Variants in PCMT1 observed in about 807,000 individuals in gnomAD.
PCMT1 encodes protein-L-isoaspartate(D-aspartate) O-methyltransferase.
PCMT1 carries 9 observed loss-of-function variants against 29.2 expected under a neutral mutation model. The observed-to-expected ratio is 0.31, with a 90% confidence interval of 0.19 to 0.54. PCMT1 has a LOEUF of 0.54. Ranked by LOEUF, PCMT1 falls within the 20% of genes least tolerant of loss-of-function variation. The pLI is 0.95. For synonymous variants in PCMT1, 98 were observed against 97.5 expected (o/e 1.00, Z -0.03); for missense variants, 184 against 282.2 (o/e 0.65, Z 2.49).
chr6:149,786,760 G>A (rs1372516968), intron 3 of PCMT1, among the ~76,000 whole-genome samples: 2 of 150,766 alleles, frequency 1.3e-5, no homozygotes, highest in Non-Finnish European at 2.9e-5. Flanking sequence ...GACGATGGGC[G>A]GCTGAGCAGA....
At chr6:149,806,506 A>T (rs926979259) in intron 7 of PCMT1, among the ~76,000 whole-genome samples, 2 of 152,188 alleles carry the variant, frequency 1.3e-5, no homozygotes, top group African/African-American at 4.8e-5. Flanking sequence ...TCTGGGAATT[A>T]TCATCTAAAA....
At chr6:149,786,418 C>G (rs1788085429) in intron 3 of PCMT1, among the ~76,000 whole-genome samples, 2 of 127,590 alleles carry the variant, frequency 1.6e-5, no homozygotes, top group Admixed American at 7.5e-5. Context: ...CGGGGGCTGA[C>G]CCCCCACCTC....
chr6:149,782,541 A>G (rs1787855038), intron 3 of PCMT1, among the ~76,000 whole-genome samples: 2 of 152,204 alleles, frequency 1.3e-5, no homozygotes, highest in Admixed American at 1.3e-4. Flanking sequence ...TGCTTACTAA[A>G]AGAGTCAAGT....
At chr6:149,761,668 A>T (rs902283785) in intron 1 of PCMT1, among the ~76,000 whole-genome samples, 1 of 152,098 alleles carries the variant, frequency 6.6e-6, no homozygotes, top group Non-Finnish European at 1.5e-5. Flanking sequence ...ATAGACTTTA[A>T]CCTCTGTTTC....
chr6:149,756,949 G>A (rs910225210), intron 1 of PCMT1, among the ~76,000 whole-genome samples: 8 of 151,952 alleles, frequency 5.3e-5, no homozygotes, highest in Admixed American at 2.0e-4. Flanking sequence ...GAGGTCAGGG[G>A]TACCAGACCA....
chr6:149,789,992 T>C lies in PCMT1; in HGVS notation c.231T>C (p.His77=), dbSNP rs1208783069. The change falls in exon 4 of 8, where the codon CAT becomes CAC. Residue 77 remains histidine, a synonymous_variant. Coordinates refer to ENST00000464889, the MANE Select transcript of PCMT1 (RefSeq NM_001360452.2). ...YALELLFDQL[H]EGAKALDVGS... ...TAGAACTTCTATTTGATCAGTTGCA[T>C]GAAGGAGCTAAAGCTCTTGATGTAG... is the stretch of plus-strand genomic sequence containing the variant. 4 of 1,611,044 alleles carry C rather than the reference T, an allele frequency of 2.5e-6. No individual in the cohort carries two copies. The highest frequency in any genetic ancestry group is 1.7e-5 in the Admixed American group (1 of 59,112).
At chr6:149,803,798 A>AG (rs1775926558) in intron 7 of PCMT1, among the ~76,000 whole-genome samples, 1 of 35,836 alleles carries the variant, frequency 2.8e-5, no homozygotes, top group South Asian at 8.6e-4. Context: ...CAGCCACTGG[A>AG]AAAAAAAAAA....
At chr6:149,768,671 T>C (rs1787190453) in intron 1 of PCMT1, among the ~76,000 whole-genome samples, 4 of 151,642 alleles carry the variant, frequency 2.6e-5, no homozygotes, top group East Asian at 1.9e-4. Context: ...CTGTTGCTCA[T>C]GCTTGAGTGC....
chr6:149,759,885 A>G (rs1484566093), intron 1 of PCMT1, among the ~76,000 whole-genome samples: 2 of 152,192 alleles, frequency 1.3e-5, no homozygotes, highest in Non-Finnish European at 2.9e-5. Context: ...TTTAGATCAT[A>G]TATCTTAGAA....
chr6:149,808,396 A>G (rs982230502), intron 7 of PCMT1, among the ~76,000 whole-genome samples: 4 of 152,258 alleles, frequency 2.6e-5, no homozygotes, highest in Middle Eastern at 3.4e-3. Context: ...TGAAAGTTAC[A>G]TGGATTTTAG....
chr6:149,786,617 C>T (rs1167531948), intron 3 of PCMT1, among the ~76,000 whole-genome samples: 1 of 144,382 alleles, frequency 6.9e-6, no homozygotes, highest in Non-Finnish European at 1.5e-5. Context: ...CGGGCAGAGA[C>T]GCTCCTCACC....
In PCMT1 at chr6:149,793,629, C is replaced by A; in HGVS notation, c.378C>A (p.Asp126Glu). The A allele has an allele frequency of 6.4e-7, 1 of 1,564,940 alleles. No homozygotes were observed. Residue 126 changes from aspartate (D) to glutamate (E), a missense_variant, in exon 5 of 8, where the codon GAC (aspartate) becomes GAA (glutamate). Physicochemically the swap from Asp to Glu is conservative, Grantham distance 45. Coordinates refer to ENST00000464889, the MANE Select transcript of PCMT1 (RefSeq NM_001360452.2). ...VDDSVNNVRK[D>E]DPTLLSSGRV... ...ACTCAGTAAATAATGTCAGGAAGGA[C>A]GATCCAACACTTCTGTCTTCAGGGA...
chr6:149,789,104 C>A lies in PCMT1; in HGVS notation c.193-850C>A, dbSNP rs914301773. ...TTTTTTTTTTTTTGAGATGGAGTCT[C>A]GCTCTGTTACAGCCCAGGCTGGAGT... On this transcript the variant is annotated intron_variant, in intron 3 of 7. Coordinates refer to ENST00000464889, the MANE Select transcript of PCMT1 (RefSeq NM_001360452.2). Among the ~76,000 whole-genome samples, 6 of 130,552 alleles carry A rather than the reference C, an allele frequency of 4.6e-5. 1 individual carries two copies. Among genetic ancestry groups the A allele is most frequent in the Non-Finnish European group, 1.6e-5 (1 of 64,496 alleles). 85.6% of individuals were successfully genotyped at this position (130,552 alleles called of 152,430 possible).
chr6:149,774,934 C>T (rs1395733609), intron 3 of PCMT1, among the ~76,000 whole-genome samples: 2 of 152,014 alleles, frequency 1.3e-5, no homozygotes, highest in Admixed American at 6.6e-5. Flanking sequence ...GTCTCGATCT[C>T]GTGACCTTGT....
intron 1 of PCMT1, among the ~76,000 whole-genome samples, chr6:149,762,548 G>GAT (rs71010873): frequency 0.79 from 6,368 of 8,014 alleles, 2,838 homozygotes; most frequent in East Asian, 0.82. Context: ...ATATATCTAT[G>GAT]ATATATATAT....
At chr6:149,781,644 C>T (rs950359895) in intron 3 of PCMT1, among the ~76,000 whole-genome samples, 1 of 152,156 alleles carries the variant, frequency 6.6e-6, no homozygotes, top group African/African-American at 2.4e-5. Context: ...GCACGAGCCA[C>T]CATAACTGGC....
At chr6:149,798,752 ATAT>A (rs1311804400) in intron 6 of PCMT1, among the ~76,000 whole-genome samples, 1 of 152,224 alleles carries the variant, frequency 6.6e-6, no homozygotes, top group Non-Finnish European at 1.5e-5. Flanking sequence ...ACAGAGTGAA[ATAT>A]TATGCATACG....
intron 3 of PCMT1, among the ~76,000 whole-genome samples, chr6:149,786,750 G>A (rs1024317877): frequency 6.7e-6 from 1 of 150,356 alleles, no homozygotes; most frequent in Non-Finnish European, 1.5e-5. Flanking sequence ...CCACATCTCA[G>A]ACGATGGGCG....
At chr6:149,768,523 C>T (rs1787184659) in intron 1 of PCMT1, among the ~76,000 whole-genome samples, 1 of 144,668 alleles carries the variant, frequency 6.9e-6, no homozygotes, top group Admixed American at 7.1e-5. Context: ...ATGATCTTGA[C>T]TCACTGCAAC....
Sources: gnomAD v4.1 joint callset for allele counts (sites outside exome capture counted in the v4.1 genomes callset) on GRCh38, gnomAD v4.1.1 for gene constraint, MANE v1.5 for transcripts, NCBI Gene and HGNC (gene_info 2026-07-23, HGNC 2026-07-21) for gene names.